The following UMAD1 variants were observed in gnomAD, a reference collection of about 807,000 sequenced individuals.
UMAD1 encodes the protein UBAP1-MVB12-associated (UMA)-domain containing protein 1.
Under a neutral mutation model 6.1 loss-of-function variants are expected in UMAD1, and 8 were observed. The observed-to-expected ratio is 1.30, with a 90% CI of 0.76 to 2.35. The LOEUF is 2.35. Ranked by LOEUF, UMAD1 falls within the 30% of genes most tolerant of loss-of-function variation. UMAD1 has a pLI of 0.00. For synonymous variants in UMAD1, 56 were observed against 31.4 expected (o/e 1.78, Z -2.61); for missense variants, 130 against 78.4 (o/e 1.66, Z -2.49).
intron 1 of UMAD1, among the ~76,000 whole-genome samples, chr7:7,657,024 T>G (rs138183311): frequency 0.16 from 23,697 of 152,100 alleles, 2,277 homozygotes; most frequent in Middle Eastern, 0.24. Flanking sequence ...GGCGTGAGAA[T>G]GTATCTCATT....
At chr7:7,865,028 C>T (rs536326763) in intron 3 of UMAD1, among the ~76,000 whole-genome samples, 3 of 152,306 alleles carry the variant, frequency 2.0e-5, no homozygotes, top group East Asian at 3.9e-4. Flanking sequence ...CCCCAAACTC[C>T]TTCCCCTGAT....
intron 2 of UMAD1, 83 bp downstream of exon 2, chr7:7,673,536 A>T (rs1563108444): frequency 1.5e-6 from 1 of 651,784 alleles, no homozygotes; most frequent in South Asian, 1.8e-5. Flanking sequence ...ATTGATTTTA[A>T]ATTATTTCTT....
At chr7:7,683,517 C>T (rs1308096799) in intron 2 of UMAD1, among the ~76,000 whole-genome samples, 2 of 151,974 alleles carry the variant, frequency 1.3e-5, no homozygotes, top group African/African-American at 4.8e-5. Flanking sequence ...CAAATAAAAC[C>T]ACAGAATTTC....
chr7:7,658,120 T>C (rs1462827400), intron 1 of UMAD1, among the ~76,000 whole-genome samples: 1 of 152,218 alleles, frequency 6.6e-6, no homozygotes, highest in Non-Finnish European at 1.5e-5. Flanking sequence ...TTGTCTATTA[T>C]TGGTGTATAG....
chr7:7,646,585 T>G (rs953107234), intron 1 of UMAD1, among the ~76,000 whole-genome samples: 27 of 150,578 alleles, frequency 1.8e-4, no homozygotes, highest in African/African-American at 6.4e-4. Context: ...CACGTGGAAC[T>G]GTGAGTCCAT....
intron 3 of UMAD1, among the ~76,000 whole-genome samples, chr7:7,804,185 C>T (rs62432848): frequency 0.046 from 6,930 of 152,202 alleles, 240 homozygotes; most frequent in Non-Finnish European, 0.072. Flanking sequence ...TGCTATCAGA[C>T]AGCTCACTAA....
rs143967588 is a variant in UMAD1 at position 7,870,541 on chromosome 7, A to G, written c.157-6740A>G. On this transcript the variant is annotated intron_variant, in intron 3 of 3. Coordinates refer to ENST00000682710, the MANE Select transcript of UMAD1 (RefSeq NM_001302348.2). Reference sequence around the variant, plus strand: ...TATTATGCAAATGAAAAAAATCACAAGACTTTGTGTCTAAGAGAAAGCTGC... The same window carrying G: ...TATTATGCAAATGAAAAAAATCACAGGACTTTGTGTCTAAGAGAAAGCTGC... 6.0e-3 allele frequency among the ~76,000 whole-genome samples: 912 copies of G among 152,328 alleles called. 13 individuals are homozygous for G. Among genetic ancestry groups the G allele is most frequent in the African/African-American group, 0.021 (873 of 41,564 alleles).
At chr7:7,687,172 G>A (rs1393165610) in intron 2 of UMAD1, 1 of 152,116 alleles carries the variant, frequency 6.6e-6, no homozygotes, top group African/African-American at 2.4e-5. Flanking sequence ...ATAGTATTTG[G>A]ATTCTATTTA....
At chr7:7,709,301 T>A (rs1334532397) in intron 2 of UMAD1, among the ~76,000 whole-genome samples, 1 of 152,236 alleles carries the variant, frequency 6.6e-6, no homozygotes, top group Non-Finnish European at 1.5e-5. Context: ...TTTGTAAATA[T>A]GAACATTAGA....
intron 3 of UMAD1, among the ~76,000 whole-genome samples, chr7:7,802,599 T>A (rs1007824154): frequency 6.6e-6 from 1 of 152,224 alleles, no homozygotes; most frequent in Non-Finnish European, 1.5e-5. Context: ...TAATCATCTT[T>A]AAGACTTAAG....
At chr7:7,730,565 A>C (rs1271936235) in intron 2 of UMAD1, among the ~76,000 whole-genome samples, 1 of 152,184 alleles carries the variant, frequency 6.6e-6, no homozygotes, top group Non-Finnish European at 1.5e-5. Flanking sequence ...AATTGCCTAC[A>C]TCCTCACGTA....
chr7:7,713,213 G>A (rs112218473), intron 2 of UMAD1, among the ~76,000 whole-genome samples: 21,382 of 151,720 alleles, frequency 0.14, 1,868 homozygotes, highest in Middle Eastern at 0.2. Flanking sequence ...GCATGGTGGC[G>A]TGCACCTGTA....
intron 2 of UMAD1, among the ~76,000 whole-genome samples, chr7:7,784,414 C>T (rs1782417711): frequency 6.6e-6 from 1 of 150,650 alleles, no homozygotes; most frequent in Non-Finnish European, 1.5e-5. Flanking sequence ...TGGCTCACTG[C>T]AAGCTCCGCC....
intron 2 of UMAD1, among the ~76,000 whole-genome samples, chr7:7,684,418 A>C (rs761077643): frequency 8.6e-5 from 13 of 151,860 alleles, no homozygotes; most frequent in Non-Finnish European, 1.8e-4. Flanking sequence ...CATGTTGGCC[A>C]GGCTGGTCTT....
intron 2 of UMAD1, among the ~76,000 whole-genome samples, chr7:7,727,588 A>G (rs1437783853): frequency 1.3e-5 from 2 of 152,200 alleles, no homozygotes; most frequent in African/African-American, 4.8e-5. Flanking sequence ...CCAAAGGAGA[A>G]TAACATTTGA....
intron 2 of UMAD1, among the ~76,000 whole-genome samples, chr7:7,768,876 G>A (rs958802840): frequency 6.6e-6 from 1 of 152,040 alleles, no homozygotes; most frequent in African/African-American, 2.4e-5. Flanking sequence ...ATGTTTTCCA[G>A]TGTCTATAAC....
chr7:7,726,893 C>A (rs1482120568), intron 2 of UMAD1, among the ~76,000 whole-genome samples: 3 of 152,148 alleles, frequency 2.0e-5, no homozygotes, highest in Non-Finnish European at 4.4e-5. Flanking sequence ...TAATACTTCA[C>A]AACAGAGATA....
intron 3 of UMAD1, among the ~76,000 whole-genome samples, chr7:7,858,925 T>A (rs1583877832): frequency 6.6e-6 from 1 of 152,292 alleles, no homozygotes; most frequent in African/African-American, 2.4e-5. Flanking sequence ...TTTATCACCT[T>A]GCTGTTTATG....
chr7:7,676,762 T>C (rs922182596), intron 2 of UMAD1, among the ~76,000 whole-genome samples: 1 of 152,158 alleles, frequency 6.6e-6, no homozygotes, highest in Non-Finnish European at 1.5e-5. Context: ...GAAGTTGGTA[T>C]ATATGGTTTA....
Sources: allele counts gnomAD v4.1 joint callset (sites outside exome capture counted in the v4.1 genomes callset), GRCh38; gene constraint gnomAD v4.1.1; transcripts MANE v1.5; gene names NCBI Gene and HGNC (gene_info 2026-07-23, HGNC 2026-07-21).